TSPAN9: variants seen among roughly 807,000 people sequenced by gnomAD.
The protein encoded by TSPAN9 is tetraspanin 9.
TSPAN9 carries 16 observed loss-of-function variants against 31.0 expected under a neutral mutation model. That is an observed-to-expected ratio of 0.52 (90% CI 0.35 to 0.78). The LOEUF is 0.78. Among genes scored for constraint, TSPAN9 ranks in the 30% least tolerant of loss-of-function variants. The pLI is 0.01. For synonymous variants in TSPAN9, 145 were observed against 121.6 expected (o/e 1.19, Z -1.27); for missense variants, 272 against 312.5 (o/e 0.87, Z 0.98).
At chr12:3,111,194 G>C (rs898135110) in intron 2 of TSPAN9, among the ~76,000 whole-genome samples, 4 of 152,152 alleles carry the variant, frequency 2.6e-5, no homozygotes, top group Non-Finnish European at 5.9e-5. Context: ...CCTTTCTTCT[G>C]CTCCTCCTCT....
intron 3 of TSPAN9, among the ~76,000 whole-genome samples, chr12:3,224,697 C>T (rs973138835): frequency 6.6e-6 from 1 of 152,260 alleles, no homozygotes; most frequent in African/African-American, 2.4e-5. Context: ...TACCCAGATG[C>T]ACGTACTGCG....
chr12:3,131,101 C>A (rs2153966972), intron 2 of TSPAN9, among the ~76,000 whole-genome samples: 1 of 150,262 alleles, frequency 6.7e-6, no homozygotes, highest in African/African-American at 2.4e-5. Flanking sequence ...CAGTCTCCTC[C>A]ATCTTTGTCA....
chr12:3,191,937 A>C (rs2098364618), intron 2 of TSPAN9, among the ~76,000 whole-genome samples: 1 of 152,192 alleles, frequency 6.6e-6, no homozygotes, highest in South Asian at 2.1e-4. Flanking sequence ...GGGCAGCCAG[A>C]AAACTAGAAT....
intron 2 of TSPAN9, among the ~76,000 whole-genome samples, chr12:3,174,903 A>G (rs1471613565): frequency 2.0e-5 from 3 of 152,182 alleles, no homozygotes; most frequent in Non-Finnish European, 4.4e-5. Flanking sequence ...TTTAATTGAC[A>G]TGATTAATAC....
chr12:3,125,102 A>G (rs965018367), intron 2 of TSPAN9: 5 of 152,196 alleles, frequency 3.3e-5, no homozygotes, highest in African/African-American at 1.2e-4. Context: ...AAAAAATGTC[A>G]AGCAAATATT....
At chr12:3,094,976 T>G (rs1272464705) in intron 2 of TSPAN9, among the ~76,000 whole-genome samples, 1 of 114,016 alleles carries the variant, frequency 8.8e-6, no homozygotes, top group Non-Finnish European at 1.7e-5. Context: ...GATAAACAAG[T>G]GAACAAAGGT....
chr12:3,115,359 T>G (rs2098321732), intron 2 of TSPAN9, among the ~76,000 whole-genome samples: 1 of 152,226 alleles, frequency 6.6e-6, no homozygotes, highest in South Asian at 2.1e-4. Context: ...TATTACCACC[T>G]TTTCTGGCTT....
Position 3,280,333 on chromosome 12 carries a change from G to A in TSPAN9, c.331-49G>A, listed in dbSNP as rs377525804. On this transcript the variant is annotated intron_variant, in intron 5 of 8. Transcript: ENST00000011898. The surrounding 1 kb of genome is among the most constrained non-coding windows in gnomAD (Gnocchi z 4.5). ...GTGACCTGAGGTGGGCTGGAGAGAC[G>A]AGCTGCGTCCTGGTTCCAACCGTCT... The A allele has an allele frequency of 1.8e-5, 28 of 1,557,676 alleles. No homozygotes were observed. Among genetic ancestry groups the A allele is most frequent in the East Asian group, 1.6e-4 (7 of 44,624 alleles).
At chr12:3,269,780 T>A (rs1360286652) in intron 3 of TSPAN9, among the ~76,000 whole-genome samples, 1 of 152,202 alleles carries the variant, frequency 6.6e-6, no homozygotes, top group Non-Finnish European at 1.5e-5. Flanking sequence ...TGTGTGGCCC[T>A]TTTTCGCTGC....
intron 2 of TSPAN9, among the ~76,000 whole-genome samples, chr12:3,197,597 A>C (rs2153972540): frequency 6.6e-6 from 1 of 152,166 alleles, no homozygotes; most frequent in South Asian, 2.1e-4. Flanking sequence ...AGAATGGGAG[A>C]GCTCTCACCT....
intron 3 of TSPAN9, among the ~76,000 whole-genome samples, chr12:3,216,693 A>G (rs2098381603): frequency 6.6e-6 from 1 of 152,176 alleles, no homozygotes; most frequent in Non-Finnish European, 1.5e-5. Flanking sequence ...TGTGGTCCGG[A>G]GGTGGTTCTG....
At chr12:3,231,552 C>T (rs896430216) in intron 3 of TSPAN9, among the ~76,000 whole-genome samples, 1 of 152,250 alleles carries the variant, frequency 6.6e-6, no homozygotes, top group African/African-American at 2.4e-5. Flanking sequence ...TCCCATGCCC[C>T]ATGCCAGCCC....
intron 2 of TSPAN9, among the ~76,000 whole-genome samples, chr12:3,090,225 TG>T (rs74771230): frequency 0.33 from 50,661 of 152,128 alleles, 10,187 homozygotes; most frequent in East Asian, 0.57. Context: ...TTTCCGTAGT[TG>T]GCGCAGACTT....
chr12:3,115,561 G>C (rs898958397), intron 2 of TSPAN9, among the ~76,000 whole-genome samples: 6 of 152,352 alleles, frequency 3.9e-5, no homozygotes, highest in Admixed American at 1.3e-4. Context: ...GAGGCTGGGG[G>C]TCCCAGATCG....
intron 2 of TSPAN9, among the ~76,000 whole-genome samples, chr12:3,161,968 A>G (rs917634923): frequency 6.6e-6 from 1 of 152,122 alleles, no homozygotes; most frequent in Non-Finnish European, 1.5e-5. Context: ...GGCATGAGCC[A>G]TGGTGCCTGC....
intron 2 of TSPAN9, among the ~76,000 whole-genome samples, chr12:3,197,374 A>C (rs1341630255): frequency 3.9e-5 from 6 of 152,226 alleles, no homozygotes; most frequent in Non-Finnish European, 7.3e-5. Context: ...ATGCTACATC[A>C]GGAGGCGACT....
chr12:3,165,322 A>G (rs2098347707), intron 2 of TSPAN9, among the ~76,000 whole-genome samples: 1 of 152,214 alleles, frequency 6.6e-6, no homozygotes, highest in Non-Finnish European at 1.5e-5. Context: ...TGGGGAAAAT[A>G]GAGGGATTTC....
At chr12:3,196,562 TTG>T (rs1366789849) in intron 2 of TSPAN9, among the ~76,000 whole-genome samples, 1 of 152,148 alleles carries the variant, frequency 6.6e-6, no homozygotes, top group Non-Finnish European at 1.5e-5. Context: ...GTGAGTTACT[TTG>T]TGGGAAGCTG....
rs560087341 is a variant in TSPAN9, at chr12:3,130,548, A to G, written c.-18+46829A>G. Among the ~76,000 whole-genome samples the G allele has an allele frequency of 5.3e-5, 8 of 152,264 alleles. No individual in the cohort carries two copies. The East Asian group carries it at 1.4e-3, about 26-fold the overall frequency. On this transcript the variant is annotated intron_variant, in intron 2 of 8. Transcript: ENST00000011898. ...ACCCCAAAGTCAGGTGACTGCATCC[A>G]GGTGATAGGGCTTCTCGGGACTGGC...
Sources: gnomAD v4.1 joint callset for allele counts (sites outside exome capture counted in the v4.1 genomes callset) on GRCh38, gnomAD v4.1.1 for gene constraint, Gnocchi (gnomAD v3.1) non-coding constraint, MANE v1.5 for transcripts, NCBI Gene and HGNC (gene_info 2026-07-23, HGNC 2026-07-21) for gene names.